The following TENM4 variants were observed in gnomAD, a reference collection of about 807,000 sequenced individuals.
TENM4 encodes teneurin-4.
A neutral mutation model predicts 243.3 loss-of-function variants in TENM4; 82 were observed. The observed-to-expected ratio is 0.34, with a 90% CI of 0.28 to 0.40. The LOEUF (loss-of-function observed/expected upper bound fraction) is 0.40, where lower values mean the gene tolerates loss of function less well. TENM4 is among the 10% of genes least tolerant of loss of function. The pLI, the probability that TENM4 is intolerant of heterozygous loss-of-function variation, is 1.00. For missense variants in TENM4, 3,138 were observed against 3,673.3 expected (o/e 0.85, Z 3.77); for synonymous variants, 1,412 against 1,456.3 (o/e 0.97, Z 0.69).
At chr11:78,784,128 T>C (rs914051960) in intron 16 of TENM4, among the ~76,000 whole-genome samples, 1 of 152,222 alleles carries the variant, frequency 6.6e-6, no homozygotes, top group Non-Finnish European at 1.5e-5. Context: ...TACACGATAA[T>C]GACCTATTGT....
chr11:79,259,390 C>T (rs72937371), intron 2 of TENM4, among the ~76,000 whole-genome samples: 1,723 of 152,214 alleles, frequency 0.011, 24 homozygotes, highest in Middle Eastern at 0.037. Flanking sequence ...GGACATACAT[C>T]AATGAAAAAA....
At chr11:79,293,377 T>C (rs1363715287) in intron 2 of TENM4, among the ~76,000 whole-genome samples, 1 of 151,922 alleles carries the variant, frequency 6.6e-6, no homozygotes, top group Non-Finnish European at 1.5e-5. Context: ...CATGGTGGTA[T>C]ATGCCTGTGG....
At chr11:79,331,831 C>G (rs994342109) in intron 1 of TENM4, among the ~76,000 whole-genome samples, 8 of 152,216 alleles carry the variant, frequency 5.3e-5, no homozygotes, top group Non-Finnish European at 1.0e-4. Context: ...AGGCTCCAGA[C>G]AGCATCCTTG....
chr11:78,905,142 A>G (rs1257485956), intron 6 of TENM4, among the ~76,000 whole-genome samples: 2 of 152,256 alleles, frequency 1.3e-5, no homozygotes, highest in Non-Finnish European at 2.9e-5. Flanking sequence ...TTTCTGAAGT[A>G]TTCTGCTTCC....
At chr11:79,208,164 A>G (rs538866284) in intron 3 of TENM4, among the ~76,000 whole-genome samples, 1 of 152,344 alleles carries the variant, frequency 6.6e-6, no homozygotes, top group East Asian at 1.9e-4. Context: ...CTCAATGGCC[A>G]GCAGAGGCTA....
chr11:78,856,534 T>C (rs1016824093), intron 10 of TENM4, among the ~76,000 whole-genome samples: 1 of 152,208 alleles, frequency 6.6e-6, no homozygotes, highest in East Asian at 1.9e-4. Flanking sequence ...CTCTGTGATT[T>C]GGTGTGTTAA....
Position 78,903,452 on chromosome 11 carries a change from G to C in TENM4, c.565C>G (p.Pro189Ala), listed in dbSNP as rs1005064640. The C allele has an allele frequency of 1.3e-6, 2 of 1,548,894 alleles. No homozygotes were observed. Among genetic ancestry groups the C allele is most frequent in the Non-Finnish European group, 1.7e-6 (2 of 1,145,838 alleles). ...ATGGAGGCCGCGTGGTGCTGGTTGG[G>C]GGTGTGGGCGTGCGAGAGCGGCGGC... ...PPPPLSHAHT[P>A]NQHHAASINS... The change falls in exon 7 of 34, where the codon CCC (proline) becomes GCC (alanine). Residue 189 changes from proline to alanine, a missense_variant. Pro to Ala is a conservative substitution (Grantham distance 27). Coordinates refer to ENST00000278550, the MANE Select transcript of TENM4 (RefSeq NM_001098816.3).
At chr11:79,420,665 C>T (rs928602962) in intron 1 of TENM4, among the ~76,000 whole-genome samples, 4 of 151,970 alleles carry the variant, frequency 2.6e-5, no homozygotes, top group African/African-American at 7.3e-5. Flanking sequence ...CTTATTTGGA[C>T]ACAAACCAGT....
intron 12 of TENM4, among the ~76,000 whole-genome samples, chr11:78,830,747 T>A (rs764984659): frequency 6.6e-6 from 1 of 152,092 alleles, no homozygotes; most frequent in Non-Finnish European, 1.5e-5. Context: ...ACCTTCACAC[T>A]CAGCCGCCAG....
At chr11:79,145,152 G>A (rs888127853) in intron 4 of TENM4, among the ~76,000 whole-genome samples, 1 of 151,956 alleles carries the variant, frequency 6.6e-6, no homozygotes, top group African/African-American at 2.4e-5. Context: ...TATTTAGAGG[G>A]ACATGTAACT....
intron 4 of TENM4, among the ~76,000 whole-genome samples, chr11:79,148,065 C>T (rs761255980): frequency 2.0e-5 from 3 of 152,036 alleles, no homozygotes; most frequent in Non-Finnish European, 4.4e-5. Flanking sequence ...TGGGGCTGAA[C>T]CCAGGCCTGC....
intron 1 of TENM4, among the ~76,000 whole-genome samples, chr11:79,364,269 G>A (rs1392655335): frequency 6.6e-6 from 1 of 152,200 alleles, no homozygotes; most frequent in Non-Finnish European, 1.5e-5. Flanking sequence ...CAGTGAATAC[G>A]ACAGACACAT....
chr11:79,100,936 G>C (rs185583844), intron 4 of TENM4, among the ~76,000 whole-genome samples: 3 of 152,302 alleles, frequency 2.0e-5, no homozygotes, highest in African/African-American at 7.2e-5. Flanking sequence ...GGTCACACCA[G>C]ACTGGGGTAG....
chr11:79,016,692 A>G (rs1858783398), intron 6 of TENM4, among the ~76,000 whole-genome samples: 1 of 152,228 alleles, frequency 6.6e-6, no homozygotes, highest in South Asian at 2.1e-4. Context: ...AACAGCATTC[A>G]TCATGCCCAA....
chr11:78,822,908 C>A (rs1292619176), intron 12 of TENM4, among the ~76,000 whole-genome samples: 3 of 152,184 alleles, frequency 2.0e-5, no homozygotes, highest in Non-Finnish European at 4.4e-5. Context: ...GCTACCTTAA[C>A]TTTTTAACCC....
At chr11:79,276,851 G>A (rs1856065054) in intron 2 of TENM4, among the ~76,000 whole-genome samples, 1 of 152,116 alleles carries the variant, frequency 6.6e-6, no homozygotes, top group Non-Finnish European at 1.5e-5. Flanking sequence ...CCAACAGAGA[G>A]AAGGGGAGAC....
chr11:78,836,241 T>G (rs1858111208), intron 12 of TENM4, among the ~76,000 whole-genome samples: 1 of 152,170 alleles, frequency 6.6e-6, no homozygotes. Context: ...TCCCAGCTAC[T>G]CAGGAGGCTG....
At chr11:79,384,802 T>C (rs1394166347) in intron 1 of TENM4, among the ~76,000 whole-genome samples, 1 of 151,816 alleles carries the variant, frequency 6.6e-6, no homozygotes, top group African/African-American at 2.4e-5. Context: ...GGCAGGTGCC[T>C]ATAATCCAAG....
intron 15 of TENM4, among the ~76,000 whole-genome samples, chr11:78,799,490 C>T (rs1361891621): frequency 6.6e-6 from 1 of 152,214 alleles, no homozygotes; most frequent in Non-Finnish European, 1.5e-5. Flanking sequence ...TCTAATCATG[C>T]ATTCTAAAAC....
Sources: allele counts gnomAD v4.1 joint callset (sites outside exome capture counted in the v4.1 genomes callset), GRCh38; gene constraint gnomAD v4.1.1; transcripts MANE v1.5; gene names NCBI Gene and HGNC (gene_info 2026-07-23, HGNC 2026-07-21).